The following ARL15 variants were observed in gnomAD, a reference collection of about 807,000 sequenced individuals.
ARL15 encodes ARF like GTPase 15.
ARL15 carries 19 observed loss-of-function variants against 25.2 expected under a neutral mutation model. The observed-to-expected ratio is 0.75, with a 90% CI of 0.53 to 1.10. The LOEUF (loss-of-function observed/expected upper bound fraction) is 1.10. ARL15 is among the 50% of genes least tolerant of loss of function. The pLI is 0.00. For missense variants in ARL15, 220 were observed against 246.0 expected, an observed-to-expected ratio of 0.89 and a Z score of 0.71; for synonymous variants, 94 against 86.8, an observed-to-expected ratio of 1.08 and a Z score of -0.46.
intron 1 of ARL15, among the ~76,000 whole-genome samples, chr5:54,251,142 CT>C (rs750826012): frequency 1.7e-4 from 25 of 151,030 alleles, no homozygotes; most frequent in Non-Finnish European, 2.6e-4. Context: ...AGCCCCTCCC[CT>C]AATTCAGGTA....
chr5:53,892,592 TTAC>T (rs1344391860), intron 4 of ARL15, among the ~76,000 whole-genome samples: 2 of 149,742 alleles, frequency 1.3e-5, no homozygotes, highest in African/African-American at 4.9e-5. Flanking sequence ...TTATTTATTA[TTAC>T]TGTTACTTTT....
intron 1 of ARL15, among the ~76,000 whole-genome samples, chr5:54,239,941 TC>T (rs2112573228): frequency 1.3e-5 from 2 of 152,252 alleles, no homozygotes; most frequent in African/African-American, 4.8e-5. Flanking sequence ...TTCTAACACA[TC>T]ATCGGCCGGG....
intron 1 of ARL15, among the ~76,000 whole-genome samples, chr5:54,288,281 A>T (rs1353225612): frequency 6.6e-6 from 1 of 152,212 alleles, no homozygotes; most frequent in Non-Finnish European, 1.5e-5. Context: ...AATGAGATAT[A>T]ATTAGTAAGT....
At chr5:54,234,397 A>G (rs949590904) in intron 1 of ARL15, among the ~76,000 whole-genome samples, 2 of 152,134 alleles carry the variant, frequency 1.3e-5, no homozygotes, top group African/African-American at 4.8e-5. Context: ...TGGGAGCCTT[A>G]ATAATTATCA....
chr5:54,263,612 G>C (rs1026632120), intron 1 of ARL15, among the ~76,000 whole-genome samples: 1 of 152,054 alleles, frequency 6.6e-6, no homozygotes, highest in African/African-American at 2.4e-5. Flanking sequence ...AACCAATGAG[G>C]CCAAAAGGGT....
chr5:53,973,906 G>A (rs1434697187), intron 4 of ARL15, among the ~76,000 whole-genome samples: 4 of 151,710 alleles, frequency 2.6e-5, no homozygotes, highest in Non-Finnish European at 5.9e-5. Context: ...TTTCCCTTTT[G>A]TATATGTGGG....
rs527854596 is a variant in ARL15 at position 54,092,446 on chromosome 5, A to G, written c.462+20756T>C. ...AAATGAATGACCAAGCATGGAATGT[A>G]CAATTTTTTAATTTTAAAAAAGCAA... On this transcript the variant is annotated intron_variant, in intron 4 of 4. Coordinates refer to ENST00000504924, the MANE Select transcript of ARL15 (RefSeq NM_019087.3). Among the ~76,000 whole-genome samples, 6 of 152,330 alleles carry G rather than the reference A, an allele frequency of 3.9e-5. No individual in the cohort carries two copies. In the South Asian group the frequency reaches 1.0e-3, roughly 26 times the overall value.
At chr5:54,289,122 TGAAAGGCTCAAG>T (rs1256251051) in intron 1 of ARL15, among the ~76,000 whole-genome samples, 1 of 152,216 alleles carries the variant, frequency 6.6e-6, no homozygotes, top group African/African-American at 2.4e-5. Context: ...GCAATTCCTT[TGAAAGGCTCAAG>T]GATTTTAGAT....
chr5:53,966,987 T>C (rs1200877880), intron 4 of ARL15, among the ~76,000 whole-genome samples: 1 of 152,166 alleles, frequency 6.6e-6, no homozygotes, highest in East Asian at 1.9e-4. Context: ...TGCAGCCATA[T>C]AATAATGTCA....
intron 1 of ARL15, among the ~76,000 whole-genome samples, chr5:54,250,255 A>G (rs752101643): frequency 4.6e-5 from 7 of 152,054 alleles, no homozygotes; most frequent in Non-Finnish European, 1.0e-4. Context: ...CATCAAATCA[A>G]CCATAAGAAA....
In ARL15 at chr5:54,267,194, C is replaced by T. The variant is rs183903411; in HGVS notation, c.48+43238G>A. 3.8e-3 allele frequency among the ~76,000 whole-genome samples: 571 copies of T among 152,262 alleles called. 2 individuals carry two copies. Among genetic ancestry groups the T allele is most frequent in the African/African-American group, 0.013 (535 of 41,548 alleles). On this transcript the variant is annotated intron_variant, in intron 1 of 4. Transcript: ENST00000504924. The stretch of plus-strand genomic sequence containing the variant: ...GCAACCTCTGCCTCTCAGATTCAAG[C>T]GATTCTCCTGCCTCAGCCTCCTGAG...
intron 4 of ARL15, among the ~76,000 whole-genome samples, chr5:53,985,343 G>T (rs1260074359): frequency 6.6e-6 from 1 of 152,110 alleles, no homozygotes; most frequent in Non-Finnish European, 1.5e-5. Context: ...CCATTTTTAA[G>T]TGTACAGTTC....
At chr5:54,241,539 C>G (rs1165393722) in intron 1 of ARL15, among the ~76,000 whole-genome samples, 1 of 152,112 alleles carries the variant, frequency 6.6e-6, no homozygotes, top group East Asian at 1.9e-4. Context: ...AAATAATACT[C>G]TCTCAATGAA....
chr5:53,963,128 G>A (rs886539997), intron 4 of ARL15, among the ~76,000 whole-genome samples: 1 of 152,162 alleles, frequency 6.6e-6, no homozygotes, highest in African/African-American at 2.4e-5. Context: ...AATAAAGGAT[G>A]GGAAGAATTT....
chr5:53,932,345 C>G (rs952373593), intron 4 of ARL15, among the ~76,000 whole-genome samples: 1 of 152,136 alleles, frequency 6.6e-6, no homozygotes, highest in African/African-American at 2.4e-5. Flanking sequence ...GAGTGTAAAC[C>G]AAACGGAACC....
intron 2 of ARL15, among the ~76,000 whole-genome samples, chr5:54,162,279 C>T (rs1430701042): frequency 6.6e-6 from 1 of 152,140 alleles, no homozygotes; most frequent in Admixed American, 6.5e-5. Flanking sequence ...AGCATCTACC[C>T]CTTTTCTCCT....
chr5:54,275,008 C>CA (rs1757890158), intron 1 of ARL15, among the ~76,000 whole-genome samples: 1 of 152,106 alleles, frequency 6.6e-6, no homozygotes, highest in African/African-American at 2.4e-5. Context: ...TGCCTATGGG[C>CA]AAAAATACAT....
intron 4 of ARL15, among the ~76,000 whole-genome samples, chr5:53,914,299 G>GA (rs971983906): frequency 1.3e-4 from 20 of 149,778 alleles, no homozygotes; most frequent in East Asian, 9.7e-4. Flanking sequence ...AAGCCTTAAG[G>GA]AAAAAAAAAA....
intron 3 of ARL15, among the ~76,000 whole-genome samples, chr5:54,149,447 G>C (rs1315128077): frequency 6.6e-6 from 1 of 152,092 alleles, no homozygotes; most frequent in East Asian, 1.9e-4. Context: ...TGGAAAAAAG[G>C]CTTTATTGAA....
Sources: allele counts gnomAD v4.1 joint callset (sites outside exome capture counted in the v4.1 genomes callset), GRCh38; gene constraint gnomAD v4.1.1; transcripts MANE v1.5; gene names NCBI Gene and HGNC (gene_info 2026-07-23, HGNC 2026-07-21).